ABCB9: variants seen among roughly 807,000 people sequenced by gnomAD.
The protein encoded by ABCB9 is ATP binding cassette subfamily B member 9, also known as ABC-type oligopeptide transporter ABCB9.
ABCB9 carries 36 observed loss-of-function variants against 62.0 expected under a neutral mutation model. That is an observed-to-expected ratio of 0.58 (90% CI 0.45 to 0.77). The LOEUF is 0.77. Ranked by LOEUF, ABCB9 falls within the 30% of genes least tolerant of loss-of-function variation. The pLI, the probability that ABCB9 is intolerant of heterozygous loss-of-function variation, is 0.00. For synonymous variants in ABCB9, 435 were observed against 461.4 expected, an observed-to-expected ratio of 0.94 and a Z score of 0.73; for missense variants, 943 against 1,054.7, an observed-to-expected ratio of 0.89 and a Z score of 1.47.
In ABCB9 at chr12:122,940,926, C is replaced by T. The variant is rs770755585; in HGVS notation, c.1450G>A (p.Asp484Asn). ...GAAEKVFEFI[D>N]RQPTMVHDGS... Reference sequence around the variant, plus strand: ...TCGTGCACCATGGTCGGCTGCCGGTCGATGAACTCGAACACCTTCTCAGCA... The same window carrying T: ...TCGTGCACCATGGTCGGCTGCCGGTTGATGAACTCGAACACCTTCTCAGCA... The change falls in exon 8 of 12, where the codon GAC (aspartate) becomes AAC (asparagine). Residue 484 changes from aspartate to asparagine, a missense_variant. Asp to Asn is a conservative substitution (Grantham distance 23). Coordinates refer to ENST00000280560, the MANE Select transcript of ABCB9 (RefSeq NM_019625.4). The surrounding 1 kb of genome is among the most constrained non-coding windows in gnomAD (Gnocchi z 4.8). The T allele has an allele frequency of 8.1e-6, 13 of 1,612,604 alleles. No individual in the cohort carries two copies. In the East Asian group the frequency reaches 8.9e-5, roughly 11 times the overall value.
intron 2 of ABCB9, chr12:122,951,008 A>ATTTTT (rs1178686841): frequency 1.6e-5 from 2 of 123,768 alleles, no homozygotes; most frequent in Non-Finnish European, 1.6e-5. Context: ...TGCCAGGCTA[A>ATTTTT]TTTTTTTTTT....
At chr12:122,923,474 A>G (rs2034805580) in intron 11 of ABCB9, among the ~76,000 whole-genome samples, 2 of 151,982 alleles carry the variant, frequency 1.3e-5, no homozygotes, top group Non-Finnish European at 1.5e-5. Flanking sequence ...TATTTTTAGT[A>G]GAGACGGGGT....
chr12:122,934,597 C>T (rs1012961206), intron 10 of ABCB9, among the ~76,000 whole-genome samples: 3 of 149,904 alleles, frequency 2.0e-5, no homozygotes, highest in Non-Finnish European at 3.0e-5. Context: ...GCCGTGATCA[C>T]GCCACTGCAC....
At chr12:122,966,071 C>T (rs1036432920) in intron 1 of ABCB9, among the ~76,000 whole-genome samples, 1 of 152,266 alleles carries the variant, frequency 6.6e-6, no homozygotes, top group African/African-American at 2.4e-5. Flanking sequence ...AAAATGGCAA[C>T]ATTCGCCCTA....
intron 1 of ABCB9, among the ~76,000 whole-genome samples, chr12:122,974,100 A>C (rs1256866282): frequency 6.6e-6 from 1 of 152,216 alleles, no homozygotes; most frequent in African/African-American, 2.4e-5. Context: ...AAACTGCTGC[A>C]AACGGAGAGG....
chr12:122,933,446 C>A (rs529057190), intron 10 of ABCB9, among the ~76,000 whole-genome samples: 99 of 151,978 alleles, frequency 6.5e-4, no homozygotes, highest in African/African-American at 2.1e-3. Context: ...CCCAGCTACT[C>A]GGGAGGCCGA....
chr12:122,940,514 T>C lies in ABCB9; in HGVS notation c.1570-230A>G, dbSNP rs1467972131. Among the ~76,000 whole-genome samples, 1 of 152,202 alleles carries C rather than the reference T, an allele frequency of 6.6e-6. No homozygotes were observed. The highest frequency in any genetic ancestry group is 1.5e-5 in the Non-Finnish European group (1 of 68,030). ...GTTCTCTCTGCAGGGAGGCCCCTGG[T>C]GAGGTCTCACCTCAAATGTCACCTC... On this transcript the variant is annotated intron_variant, in intron 8 of 11. Transcript: ENST00000280560. The surrounding 1 kb of genome is among the most constrained non-coding windows in gnomAD (Gnocchi z 4.8).
At chr12:122,921,556 C>T (rs2034746826) in intron 11 of ABCB9, among the ~76,000 whole-genome samples, 1 of 152,210 alleles carries the variant, frequency 6.6e-6, no homozygotes, top group South Asian at 2.1e-4. Context: ...GCAGGTGGAT[C>T]ACCTGATGTC....
chr12:122,922,772 T>C (rs2034780727), intron 11 of ABCB9, among the ~76,000 whole-genome samples: 1 of 152,110 alleles, frequency 6.6e-6, no homozygotes, highest in South Asian at 2.1e-4. Flanking sequence ...ATTGGTTGTG[T>C]AGCCTTCCAA....
chr12:122,929,801 C>A lies in ABCB9; in HGVS notation c.*110G>T, dbSNP rs1034650291. On this transcript the variant is annotated 3_prime_UTR_variant, in exon 12 of 12. Transcript: ENST00000280560. The surrounding 1 kb of genome is among the most constrained non-coding windows in gnomAD (Gnocchi z 6.0). Reference sequence around the variant, plus strand: ...TGATCCATGGGACATGGCAGGTCGTCTTTCAGTGCTGCAGGCCTGGGCTCG... The same window carrying A: ...TGATCCATGGGACATGGCAGGTCGTATTTCAGTGCTGCAGGCCTGGGCTCG... 2.8e-6 allele frequency: 4 copies of A among 1,430,208 alleles called. No individual in the cohort carries two copies. The African/African-American group carries it at 5.7e-5, about 20-fold the overall frequency. 88.6% of individuals were successfully genotyped at this position (1,430,208 alleles called of 1,614,324 possible).
chr12:122,925,336 G>A (rs1262563324), downstream of ABCB9, among the ~76,000 whole-genome samples: 4 of 152,276 alleles, frequency 2.6e-5, no homozygotes, highest in Middle Eastern at 3.4e-3. Flanking sequence ...TGGTGCAGCC[G>A]CTGTGGAAGA....
chr12:122,931,945 A>G (rs765698443), intron 11 of ABCB9: 7 of 629,714 alleles, frequency 1.1e-5, no homozygotes, highest in African/African-American at 1.8e-5. Flanking sequence ...CTCATGACCC[A>G]GGTCTCCCCA....
chr12:122,949,881 G>A lies in ABCB9; in HGVS notation c.754C>T (p.Leu252Phe), dbSNP rs151235593. Residue 252 changes from leucine to phenylalanine, a missense_variant, in exon 4 of 12, where the codon CTC (leucine) becomes TTC (phenylalanine). Leu to Phe is a conservative substitution (Grantham distance 22). Coordinates refer to ENST00000280560, the MANE Select transcript of ABCB9 (RefSeq NM_019625.4). Reference sequence around the variant, plus strand: ...CGAATGTTCAGTCTGGCAAATATGAGGGTAAAAATGCCGCCCCGAATACCT... The same window carrying A: ...CGAATGTTCAGTCTGGCAAATATGAAGGTAAAAATGCCGCCCCGAATACCT... Reference protein sequence around the residue: ...AAGIRGGIFTLIFARLNIRLR... With the variant: ...AAGIRGGIFTFIFARLNIRLR... 4 of 1,614,186 alleles carry A rather than the reference G, an allele frequency of 2.5e-6. No homozygotes were observed. Among genetic ancestry groups the A allele is most frequent in the Non-Finnish European group, 3.4e-6 (4 of 1,180,008 alleles).
downstream of ABCB9, chr12:122,924,882 T>A (rs543484942): frequency 1.4e-4 from 207 of 1,472,506 alleles, 1 homozygote; most frequent in African/African-American, 2.6e-3. Context: ...GCTTTAAAAG[T>A]CATAACTCTC....
intron 10 of ABCB9, 51 bp downstream of exon 10, chr12:122,935,221 C>T: frequency 6.5e-7 from 1 of 1,540,638 alleles, no homozygotes; most frequent in Non-Finnish European, 8.8e-7. Context: ...GGGTTATGTC[C>T]CTGAGGGTGA....
chr12:122,938,538 A>C lies in ABCB9; in HGVS notation c.1743+1573T>G, dbSNP rs914009669. On this transcript the variant is annotated intron_variant, in intron 9 of 11. Coordinates refer to ENST00000280560, the MANE Select transcript of ABCB9 (RefSeq NM_019625.4). ...CAGAGGGAGACCCTTTCTCAAAAAA[A>C]TAAAAATAGGCCAGGTGCAGTGGCT... is the stretch of plus-strand genomic sequence containing the variant. Among the ~76,000 whole-genome samples the C allele has an allele frequency of 4.0e-5, 6 of 151,588 alleles. No homozygotes were observed. In the East Asian group the frequency reaches 1.2e-3, roughly 29 times the overall value.
intron 11 of ABCB9, among the ~76,000 whole-genome samples, chr12:122,923,480 G>A (rs574307710): frequency 2.0e-5 from 3 of 152,056 alleles, no homozygotes; most frequent in South Asian, 4.2e-4. Flanking sequence ...TAGTAGAGAC[G>A]GGGTTTCACT....
chr12:122,971,690 G>A (rs1378314586), intron 1 of ABCB9, among the ~76,000 whole-genome samples: 2 of 152,104 alleles, frequency 1.3e-5, no homozygotes, highest in African/African-American at 2.4e-5. Context: ...GAGTTCAAGC[G>A]ATCTGCCCAC....
At position 122,944,851 on chromosome 12, in the gene ABCB9, T is replaced by C. The variant is rs907583117; in HGVS notation, c.1252-332A>G. On this transcript the variant is annotated intron_variant, in intron 6 of 11. Coordinates refer to ENST00000280560, the MANE Select transcript of ABCB9 (RefSeq NM_019625.4). The surrounding 1 kb of genome is among the most constrained non-coding windows in gnomAD (Gnocchi z 4.9). ...TTCGTCCTCCTCATGGGGAAGAGCA[T>C]GACTCAGAGAGGGCAAGTGCCCTGG... The C allele has an allele frequency of 4.0e-5, 10 of 250,408 alleles. No individual in the cohort carries two copies. The East Asian group carries it at 8.5e-4, about 21-fold the overall frequency. 15.5% of individuals were successfully genotyped at this position (250,408 alleles called of 1,614,324 possible).
Sources: gnomAD v4.1 joint callset for allele counts (sites outside exome capture counted in the v4.1 genomes callset) on GRCh38, gnomAD v4.1.1 for gene constraint, Gnocchi (gnomAD v3.1) non-coding constraint, MANE v1.5 for transcripts, NCBI Gene and HGNC (gene_info 2026-07-23, HGNC 2026-07-21) for gene names.